VDR: variants seen among roughly 807,000 people sequenced by gnomAD.
The protein encoded by VDR is vitamin D3 receptor.
Under a neutral mutation model 39.7 loss-of-function variants are expected in VDR, and 19 were observed. The observed-to-expected ratio is 0.48, with a 90% CI of 0.33 to 0.70. VDR has a LOEUF of 0.70. VDR is among the 30% of genes least tolerant of loss of function. The pLI is 0.02. For synonymous variants in VDR, 242 were observed against 215.8 expected (o/e 1.12, Z -1.07); for missense variants, 442 against 570.5 (o/e 0.77, Z 2.29).
intron 5 of VDR, 71 bp downstream of exon 5, chr12:47,857,433 T>C: frequency 6.2e-7 from 1 of 1,610,730 alleles, no homozygotes; most frequent in Non-Finnish European, 8.5e-7. Flanking sequence ...CCTCTGTCCC[T>C]ACTCCCTGGG....
At chr12:47,865,618 G>A (rs1444446638) in intron 3 of VDR, among the ~76,000 whole-genome samples, 1 of 151,616 alleles carries the variant, frequency 6.6e-6, no homozygotes, top group Non-Finnish European at 1.5e-5. Context: ...TCACTATGTT[G>A]CCCAGGCTAG....
chr12:47,882,972 C>T, intron 1 of VDR, 198 bp from the exon 2 acceptor site: 2 of 526,376 alleles, frequency 3.8e-6, no homozygotes, highest in Admixed American at 3.8e-5. Flanking sequence ...TGGGCAGCAG[C>T]CAGGATGGCC....
At chr12:47,857,919 G>C (rs1945527872) in intron 4 of VDR, among the ~76,000 whole-genome samples, 1 of 152,122 alleles carries the variant, frequency 6.6e-6, no homozygotes, top group African/African-American at 2.4e-5. Flanking sequence ...TTGAGAGGGG[G>C]GATGATCTGG....
At chr12:47,895,534 A>G (rs1946448304) in intron 1 of VDR, among the ~76,000 whole-genome samples, 1 of 152,170 alleles carries the variant, frequency 6.6e-6, no homozygotes, top group Non-Finnish European at 1.5e-5. Context: ...TGGGAGGGGT[A>G]CCTTCTAGTA....
At chr12:47,892,196 C>G (rs112083780) in intron 1 of VDR, among the ~76,000 whole-genome samples, 1,571 of 152,330 alleles carry the variant, frequency 0.01, 20 homozygotes, top group South Asian at 0.045. Flanking sequence ...ATGGGCAGGG[C>G]TGGGCTAACT....
intron 2 of VDR, among the ~76,000 whole-genome samples, chr12:47,882,001 A>G (rs909448788): frequency 5.3e-5 from 8 of 152,166 alleles, no homozygotes; most frequent in African/African-American, 1.7e-4. Context: ...AGAGAAATCA[A>G]ATGGGGGGTA....
At chr12:47,902,049 C>A (rs912916074) in intron 1 of VDR, among the ~76,000 whole-genome samples, 1 of 152,190 alleles carries the variant, frequency 6.6e-6, no homozygotes, top group Non-Finnish European at 1.5e-5. Context: ...GAGCATTAAG[C>A]CTCCCCCAAC....
intron 6 of VDR, among the ~76,000 whole-genome samples, 158 bp downstream of exon 6, chr12:47,856,971 C>T (rs1011679966): frequency 1.3e-5 from 2 of 152,258 alleles, no homozygotes; most frequent in African/African-American, 4.8e-5. Context: ...CTTTCTGTAA[C>T]AGAGGGGCTG....
At chr12:47,871,298 CTTTCTTTCTT>C (rs1945858976) in intron 3 of VDR, among the ~76,000 whole-genome samples, 3 of 109,814 alleles carry the variant, frequency 2.7e-5, no homozygotes, top group African/African-American at 1.1e-4. Context: ...CTTTCTCTTT[CTTTCTTTCTT>C]TCTTTCTTTC....
At position 47,845,087 on chromosome 12, in the gene VDR, C is replaced by T. The variant is rs137888144; in HGVS notation, c.1025-82G>A. ...GCTCAATCCCACCACCCCCCACCCA[C>T]ACAGACACTCAACGGCAGCACCCCC... On this transcript the variant is annotated intron_variant, in intron 9 of 9. Transcript: ENST00000549336. The T allele has an allele frequency of 6.9e-4, 1,094 of 1,593,400 alleles. 25 individuals are homozygous for T. In the East Asian group the frequency reaches 0.024, roughly 35 times the overall value.
chr12:47,873,648 A>C (rs1340201022), intron 3 of VDR, among the ~76,000 whole-genome samples: 2 of 152,084 alleles, frequency 1.3e-5, no homozygotes, highest in African/African-American at 4.8e-5. Flanking sequence ...GGCGTGAGCC[A>C]CCGCGCCCGG....
At chr12:47,845,149 A>C (rs1281383317) in intron 9 of VDR, 144 bp from the exon 10 acceptor site, 1 of 1,322,890 alleles carries the variant, frequency 7.6e-7, no homozygotes, top group African/African-American at 1.5e-5. Flanking sequence ...CGGTGATACC[A>C]CTGCCTGGCC....
intron 3 of VDR, among the ~76,000 whole-genome samples, chr12:47,865,710 G>A (rs1006701062): frequency 1.7e-4 from 22 of 129,190 alleles, no homozygotes; most frequent in South Asian, 2.7e-4. Context: ...ACTGCACTCC[G>A]ACTCTTTTTT....
At chr12:47,889,900 G>A (rs1946333548) in intron 1 of VDR, among the ~76,000 whole-genome samples, 1 of 152,150 alleles carries the variant, frequency 6.6e-6, no homozygotes, top group Admixed American at 6.5e-5. Context: ...GTGTGCCTGT[G>A]TGCCTCCCTC....
At chr12:47,890,254 A>G (rs895924778) in intron 1 of VDR, among the ~76,000 whole-genome samples, 3 of 151,130 alleles carry the variant, frequency 2.0e-5, no homozygotes, top group African/African-American at 7.3e-5. Context: ...GGAATGGCTT[A>G]TTTTCTGACG....
intron 7 of VDR, among the ~76,000 whole-genome samples, chr12:47,853,488 C>T (rs1945427210): frequency 6.6e-6 from 1 of 150,654 alleles, no homozygotes. Flanking sequence ...CGTGGTGGTT[C>T]ATGCCTGTAA....
rs1232974276 is a variant in VDR at position 47,857,118 on chromosome 12, G to A, written c.583+11C>T. 1.2e-6 allele frequency: 2 copies of A among 1,614,078 alleles called. No homozygotes were observed. Among genetic ancestry groups the A allele is most frequent in the East Asian group, 2.2e-5 (1 of 44,884 alleles). On this transcript the variant is annotated intron_variant, in intron 6 of 9. Coordinates refer to ENST00000549336, the MANE Select transcript of VDR (RefSeq NM_000376.3). ...CTCCCTTACTCTATGGAGGACTGAA[G>A]TCCTGCTTACCTGAAGAGGTGATAC...
At chr12:47,896,959 G>A (rs1946475581) in intron 1 of VDR, 2 of 152,388 alleles carry the variant, frequency 1.3e-5, no homozygotes, top group South Asian at 2.1e-4. Context: ...CACCTGCTGC[G>A]TTTTTTCCAG....
intron 4 of VDR, 72 bp from the exon 5 acceptor site, chr12:47,857,760 G>T: frequency 6.4e-7 from 1 of 1,554,234 alleles, no homozygotes. Context: ...CTGCGGTTGG[G>T]GGTAAAGGTC....
Sources: gnomAD v4.1 joint callset for allele counts (sites outside exome capture counted in the v4.1 genomes callset) on GRCh38, gnomAD v4.1.1 for gene constraint, MANE v1.5 for transcripts, NCBI Gene and HGNC (gene_info 2026-07-23, HGNC 2026-07-21) for gene names.